SPIRE1: variants seen among roughly 807,000 people sequenced by gnomAD.
The protein encoded by SPIRE1 is spire type actin nucleation factor 1.
A neutral mutation model predicts 94.1 loss-of-function variants in SPIRE1; 40 were observed. The ratio of observed to expected loss-of-function variants is 0.43; its 90% CI spans 0.33 to 0.55. SPIRE1 has a LOEUF of 0.55. Among genes scored for constraint, SPIRE1 ranks in the 20% least tolerant of loss-of-function variants. The pLI is 0.06. For synonymous variants in SPIRE1, 376 were observed against 371.7 expected (o/e 1.01, Z -0.13); for missense variants, 838 against 975.2 (o/e 0.86, Z 1.87).
chr18:12,569,747 G>A (rs2144457345), intron 2 of SPIRE1, among the ~76,000 whole-genome samples: 1 of 152,120 alleles, frequency 6.6e-6, no homozygotes, highest in East Asian at 1.9e-4. Context: ...AGTAGCACCA[G>A]CCCCCTTGCC....
rs563552282 is a variant in SPIRE1, at chr18:12,527,428, G to C, written c.729+8048C>G. On this transcript the variant is annotated intron_variant, in intron 4 of 16. Coordinates refer to ENST00000409402, the MANE Select transcript of SPIRE1 (RefSeq NM_001128626.2). Reference sequence around the variant, plus strand: ...TAAAGTACTAACATAAACAAAGGATGAGATACCCAGGGTTTATATATAAGG... The same window carrying C: ...TAAAGTACTAACATAAACAAAGGATCAGATACCCAGGGTTTATATATAAGG... Among the ~76,000 whole-genome samples, 103 of 152,296 alleles carry C rather than the reference G, an allele frequency of 6.8e-4. 1 individual carries two copies. In the South Asian group the frequency reaches 0.02, roughly 30 times the overall value.
At chr18:12,638,933 G>A (rs2038010005) in intron 1 of SPIRE1, among the ~76,000 whole-genome samples, 2 of 152,060 alleles carry the variant, frequency 1.3e-5, no homozygotes, top group African/African-American at 2.4e-5. Context: ...GCAGAACAGT[G>A]ATCCAATTAA....
chr18:12,585,661 C>T (rs910912166), intron 2 of SPIRE1, among the ~76,000 whole-genome samples: 6 of 152,086 alleles, frequency 3.9e-5, no homozygotes, highest in African/African-American at 1.4e-4. Flanking sequence ...TGCTATTAAA[C>T]ACAATGAGGT....
chr18:12,632,745 AT>A (rs34422202), intron 2 of SPIRE1, among the ~76,000 whole-genome samples: 54,043 of 151,796 alleles, frequency 0.36, 10,893 homozygotes, highest in East Asian at 0.59. Flanking sequence ...TTAGATTCCA[AT>A]TCTTTTGGTG....
intron 2 of SPIRE1, among the ~76,000 whole-genome samples, chr18:12,551,517 C>T (rs1384423131): frequency 6.6e-6 from 1 of 151,954 alleles, no homozygotes; most frequent in Admixed American, 6.6e-5. Context: ...CTGGCTAACA[C>T]GGAGAAACCC....
At chr18:12,502,702 T>G (rs1010369925) in intron 6 of SPIRE1, among the ~76,000 whole-genome samples, 1 of 152,212 alleles carries the variant, frequency 6.6e-6, no homozygotes, top group Non-Finnish European at 1.5e-5. Context: ...GGTAAGATGT[T>G]TGCATTTGGA....
intron 16 of SPIRE1, 65 bp from the exon 17 acceptor site, chr18:12,449,961 A>T: frequency 6.7e-7 from 1 of 1,503,262 alleles, no homozygotes; most frequent in Non-Finnish European, 9.0e-7. Context: ...TATTAAGAAA[A>T]TATGTATAAA....
At chr18:12,461,566 T>TGTACGTACATACATATGTTTG (rs1568184251) in intron 12 of SPIRE1, among the ~76,000 whole-genome samples, 1 of 135,500 alleles carries the variant, frequency 7.4e-6, no homozygotes, top group African/African-American at 3.1e-5. Context: ...TGCGTGTATA[T>TGTACGTACATACATATGTTTG]GTATGTACAT....
At position 12,499,305 on chromosome 18, in the gene SPIRE1, G is replaced by T. The variant is rs2033574071; in HGVS notation, c.973-3203C>A. Among the ~76,000 whole-genome samples, 5 of 152,202 alleles carry T rather than the reference G, an allele frequency of 3.3e-5. No individual in the cohort carries two copies. In the South Asian group the frequency reaches 1.0e-3, roughly 32 times the overall value. On this transcript the variant is annotated intron_variant, in intron 6 of 16. Transcript: ENST00000409402. ...GGTCTCGGCACCCTTGTTGTAAATG[G>T]ATTGAACATAGGTGTATGAGTTTGT...
upstream of SPIRE1, chr18:12,658,335 G>A: frequency 2.3e-6 from 1 of 435,790 alleles, no homozygotes; most frequent in South Asian, 1.6e-5. Context: ...CACAGCTGGG[G>A]GCGCAATGGT....
At chr18:12,548,759 C>T (rs1354255388) in intron 2 of SPIRE1, among the ~76,000 whole-genome samples, 1 of 151,992 alleles carries the variant, frequency 6.6e-6, no homozygotes, top group African/African-American at 2.4e-5. Flanking sequence ...AAAACAGGTA[C>T]ACACCACCAG....
chr18:12,604,679 A>C (rs1318231430), intron 2 of SPIRE1, among the ~76,000 whole-genome samples: 1 of 152,190 alleles, frequency 6.6e-6, no homozygotes, highest in Non-Finnish European at 1.5e-5. Context: ...CATTAGAAAC[A>C]TGGCAGAAAA....
chr18:12,574,884 G>C (rs988645720), intron 2 of SPIRE1, among the ~76,000 whole-genome samples: 11 of 152,244 alleles, frequency 7.2e-5, no homozygotes, highest in Middle Eastern at 3.4e-3. Context: ...AAGAAGGAAG[G>C]CATCGTCATA....
intron 2 of SPIRE1, among the ~76,000 whole-genome samples, chr18:12,615,345 A>AAAAAAAAAAAATATATAT: frequency 4.1e-4 from 7 of 17,244 alleles, no homozygotes; most frequent in Non-Finnish European, 1.1e-3. Flanking sequence ...AAAAAAAAAA[A>AAAAAAAAAAAATATATAT]ATATATATAT....
chr18:12,567,512 A>C (rs1007833532), intron 2 of SPIRE1, among the ~76,000 whole-genome samples: 8 of 152,134 alleles, frequency 5.3e-5, no homozygotes, highest in African/African-American at 1.9e-4. Context: ...ACATAATATT[A>C]CTCTTAACTG....
At chr18:12,584,172 A>G (rs2036330899) in intron 2 of SPIRE1, among the ~76,000 whole-genome samples, 1 of 152,052 alleles carries the variant, frequency 6.6e-6, no homozygotes, top group Admixed American at 6.6e-5. Flanking sequence ...GCTCACGTCT[A>G]TAATCCCAGC....
intron 10 of SPIRE1, among the ~76,000 whole-genome samples, chr18:12,466,434 G>A (rs954355355): frequency 3.9e-5 from 6 of 151,946 alleles, no homozygotes; most frequent in Admixed American, 1.3e-4. Flanking sequence ...GTGCCACCAC[G>A]CCCGGCTAAT....
chr18:12,483,134 C>T (rs192769115), intron 9 of SPIRE1, among the ~76,000 whole-genome samples: 9 of 151,766 alleles, frequency 5.9e-5, no homozygotes, highest in Non-Finnish European at 5.9e-5. Context: ...TGTGTGTGTG[C>T]GTAGGAGACA....
chr18:12,633,039 G>C (rs2037826204), intron 2 of SPIRE1, among the ~76,000 whole-genome samples: 1 of 152,006 alleles, frequency 6.6e-6, no homozygotes, highest in Admixed American at 6.6e-5. Context: ...AATTTCATAA[G>C]CTATGAGGTT....
Sources: allele counts gnomAD v4.1 joint callset (sites outside exome capture counted in the v4.1 genomes callset), GRCh38; gene constraint gnomAD v4.1.1; transcripts MANE v1.5; gene names NCBI Gene and HGNC (gene_info 2026-07-23, HGNC 2026-07-21).